Variants in LOXL2 observed in about 807,000 individuals in gnomAD.
The protein encoded by LOXL2 is lysyl oxidase like 2, also known as lysyl oxidase homolog 2.
LOXL2 carries 70 observed loss-of-function variants against 93.0 expected under a neutral mutation model. The ratio of observed to expected loss-of-function variants is 0.75; its 90% confidence interval spans 0.62 to 0.92. The LOEUF (loss-of-function observed/expected upper bound fraction) is 0.92, where lower values mean the gene tolerates loss of function less well. Ranked by LOEUF, LOXL2 falls within the 40% of genes least tolerant of loss-of-function variation. The pLI is 0.00. For synonymous variants in LOXL2, 438 were observed against 413.2 expected, an observed-to-expected ratio of 1.06 and a Z score of -0.73; for missense variants, 973 against 1,054.9, an observed-to-expected ratio of 0.92 and a Z score of 1.08.
At chr8:23,343,080 C>T (rs1284001493) in intron 3 of LOXL2, among the ~76,000 whole-genome samples, 1 of 152,136 alleles carries the variant, frequency 6.6e-6, no homozygotes, top group East Asian at 1.9e-4. Flanking sequence ...AACCTTGTCC[C>T]TTGACTAGCT....
At chr8:23,343,806 CA>C (rs1803924996) in intron 3 of LOXL2, among the ~76,000 whole-genome samples, 2 of 152,202 alleles carry the variant, frequency 1.3e-5, no homozygotes, top group Non-Finnish European at 2.9e-5. Context: ...GACACGTGGA[CA>C]GGGGTGAGCC....
At chr8:23,361,745 G>A (rs979001044) in intron 2 of LOXL2, among the ~76,000 whole-genome samples, 7 of 152,164 alleles carry the variant, frequency 4.6e-5, no homozygotes. Flanking sequence ...GGAGGCTGAG[G>A]CAGAGAATCG....
intron 1 of LOXL2, among the ~76,000 whole-genome samples, chr8:23,388,231 A>G (rs1293095375): frequency 6.6e-6 from 1 of 152,110 alleles, no homozygotes; most frequent in Non-Finnish European, 1.5e-5. Context: ...GGGAACTGTG[A>G]GCTGCCAAGG....
chr8:23,306,643 C>A (rs963940276), intron 10 of LOXL2, among the ~76,000 whole-genome samples: 1 of 152,244 alleles, frequency 6.6e-6, no homozygotes, highest in Non-Finnish European at 1.5e-5. Context: ...GGGAGTCTCT[C>A]CTCTTTGCAG....
chr8:23,299,009 T>G (rs961403608), intron 12 of LOXL2, 62 bp from the exon 13 acceptor site: 42 of 997,936 alleles, frequency 4.2e-5, no homozygotes, highest in South Asian at 1.5e-4. Context: ...CACCCAGGCC[T>G]GGGGCTCTGA....
chr8:23,387,174 C>G (rs139534726), intron 1 of LOXL2, among the ~76,000 whole-genome samples: 203 of 152,324 alleles, frequency 1.3e-3, no homozygotes, highest in African/African-American at 4.6e-3. Context: ...AATTATCCCC[C>G]AATATGGTCT....
At chr8:23,385,068 C>T (rs911295304) in intron 1 of LOXL2, among the ~76,000 whole-genome samples, 6 of 130,898 alleles carry the variant, frequency 4.6e-5, no homozygotes, top group Non-Finnish European at 1.0e-4. Flanking sequence ...CAGTTTCCTT[C>T]AACTATGGAT....
rs373491982 is a variant in LOXL2 at position 23,346,136 on chromosome 8, AT to A, written c.532-4934del. ...TAAAATTAAAATAAAATAAAATAAA[AT>A]AAAATAAATAAAATAAAATAAAAAA... On this transcript the variant is annotated intron_variant, in intron 3 of 13. Transcript: ENST00000389131. Among the ~76,000 whole-genome samples the A allele has an allele frequency of 2.2e-3, 116 of 52,490 alleles. 1 individual carries two copies. Among genetic ancestry groups the A allele is most frequent in the South Asian group, 0.014 (29 of 2,026 alleles). 34.4% of individuals were successfully genotyped at this position (52,490 alleles called of 152,430 possible).
chr8:23,321,671 T>C (rs1325352487), intron 7 of LOXL2: 1 of 163,396 alleles, frequency 6.1e-6, no homozygotes. Flanking sequence ...CCTTTTCCTG[T>C]TCCTTTGGTT....
chr8:23,373,385 A>G (rs6557662), intron 1 of LOXL2, among the ~76,000 whole-genome samples: 50,078 of 151,684 alleles, frequency 0.33, 8,426 homozygotes, highest in East Asian at 0.45. Context: ...ACCCAGGCTG[A>G]AGTGCAGTGG....
At chr8:23,352,527 C>A (rs569720473) in intron 3 of LOXL2, among the ~76,000 whole-genome samples, 3 of 152,264 alleles carry the variant, frequency 2.0e-5, no homozygotes, top group South Asian at 4.1e-4. Context: ...AGAGACCTTT[C>A]CCTTTTAGGC....
intron 3 of LOXL2, among the ~76,000 whole-genome samples, chr8:23,358,946 A>G (rs1432922539): frequency 6.7e-6 from 1 of 149,650 alleles, no homozygotes; most frequent in Non-Finnish European, 1.5e-5. Flanking sequence ...GGTTCACGCC[A>G]TTCTCCTGCT....
Position 23,341,140 on chromosome 8 carries a change from T to A in LOXL2, c.595A>T (p.Thr199Ser). 1 of 1,613,908 alleles carries A rather than the reference T, an allele frequency of 6.2e-7. No homozygotes were observed. Among genetic ancestry groups the A allele is most frequent in the Non-Finnish European group, 8.5e-7 (1 of 1,180,034 alleles). The change falls in exon 4 of 14, where the codon ACC becomes TCC. Residue 199 changes from threonine (T) to serine (S), a missense_variant. Physicochemically the swap from Thr to Ser is moderately conservative, Grantham distance 58. Transcript: ENST00000389131. ...RAILSTYRKR[T>S]PVMEGYVEVK... ...TCCACGTAGCCCTCCATCACTGGGG[T>A]GCGCTTGCGGTAGGTTGAGAGGATG...
intron 2 of LOXL2, among the ~76,000 whole-genome samples, chr8:23,361,986 A>G (rs1804300621): frequency 6.6e-6 from 1 of 152,252 alleles, no homozygotes; most frequent in African/African-American, 2.4e-5. Flanking sequence ...GTTTCCTTAA[A>G]AAATTAAAAA....
intron 1 of LOXL2, chr8:23,371,241 A>C (rs1036622906): frequency 6.6e-6 from 1 of 152,198 alleles, no homozygotes; most frequent in African/African-American, 2.4e-5. Flanking sequence ...CCAGATAAAC[A>C]AAAGAGGAGC....
chr8:23,332,311 AC>A lies in LOXL2; in HGVS notation c.966+1089del, dbSNP rs574130819. ...CAGACCCCCACACACACTCATACAC[AC>A]CCCCTACACACATACACAACCCCCA... On this transcript the variant is annotated intron_variant, in intron 5 of 13. Coordinates refer to ENST00000389131, the MANE Select transcript of LOXL2 (RefSeq NM_002318.3). Among the ~76,000 whole-genome samples the A allele has an allele frequency of 6.8e-3, 495 of 73,178 alleles. 2 individuals are homozygous for A. The highest frequency in any genetic ancestry group is 0.025 in the African/African-American group (446 of 17,948). 48.0% of individuals were successfully genotyped at this position (73,178 alleles called of 152,430 possible).
chr8:23,297,978 T>A lies in LOXL2; in HGVS notation c.*65A>T. ...CGTGGCATTCGTTCAGACTCAGTTG[T>A]TGGGGGGAAGTCCCATGGAAGATGT... On this transcript the variant is annotated 3_prime_UTR_variant, in exon 14 of 14. Transcript: ENST00000389131. 1 of 1,391,804 alleles carries A rather than the reference T, an allele frequency of 7.2e-7. No homozygotes were observed. Among genetic ancestry groups the A allele is most frequent in the African/African-American group, 1.4e-5 (1 of 70,908 alleles). The allele number at this position is 1,391,804 out of a possible 1,614,324, so 86.2% of individuals were successfully genotyped here.
At chr8:23,301,984 C>G in intron 12 of LOXL2, 43 bp downstream of exon 12, 1 of 1,611,398 alleles carries the variant, frequency 6.2e-7, no homozygotes, top group Non-Finnish European at 8.5e-7. Context: ...GTGGCCTCCC[C>G]TCCTCCCCCT....
chr8:23,385,374 G>A (rs1804743985), intron 1 of LOXL2, among the ~76,000 whole-genome samples: 1 of 149,316 alleles, frequency 6.7e-6, no homozygotes, highest in South Asian at 2.1e-4. Flanking sequence ...AGCCTCCCAA[G>A]TAGCTGGGAT....
Sources: gnomAD v4.1 joint callset for allele counts (sites outside exome capture counted in the v4.1 genomes callset) on GRCh38, gnomAD v4.1.1 for gene constraint, MANE v1.5 for transcripts, NCBI Gene and HGNC (gene_info 2026-07-23, HGNC 2026-07-21) for gene names.